Variants in SUMO3 observed in about 807,000 individuals in gnomAD.
SUMO3 encodes small ubiquitin like modifier 3, also known as small ubiquitin-related modifier 3.
Under a neutral mutation model 11.1 loss-of-function variants are expected in SUMO3, and 2 were observed. The ratio of observed to expected loss-of-function variants is 0.18; its 90% CI spans 0.07 to 0.57. The LOEUF is 0.57. Ranked by LOEUF, SUMO3 falls within the 20% of genes least tolerant of loss-of-function variation. The pLI is 0.92. For synonymous variants in SUMO3, 56 were observed against 53.5 expected (o/e 1.05, Z -0.20); for missense variants, 70 against 132.8 (o/e 0.53, Z 2.32).
chr21:44,817,059 G>A (rs370251385), intron 1 of SUMO3, among the ~76,000 whole-genome samples: 1 of 138,502 alleles, frequency 7.2e-6, no homozygotes, highest in Admixed American at 7.0e-5. Context: ...TGATGGAGAG[G>A]GCGACGCAAT....
At position 44,807,077 on chromosome 21, in the gene SUMO3, G is replaced by T; in HGVS notation, c.223-37C>A. The stretch of plus-strand genomic sequence containing the variant: ...GTCACAACAGGCACAGCGAGAGAGA[G>T]GGGAGCCTGTTAGTTTTCATCAGAG... On this transcript the variant is annotated intron_variant, in intron 3 of 3. Transcript: ENST00000332859. The surrounding 1 kb of genome is among the most constrained non-coding windows in gnomAD (Gnocchi z 4.3). 6.2e-7 allele frequency: 1 copy of T among 1,608,004 alleles called. No individual in the cohort carries two copies.
At position 44,806,872 on chromosome 21, in the gene SUMO3, C is replaced by A. The variant is rs1325946480; in HGVS notation, c.*79G>T. The A allele has an allele frequency of 9.5e-6, 15 of 1,585,452 alleles. No homozygotes were observed. Among genetic ancestry groups the A allele is most frequent in the Middle Eastern group, 1.7e-4 (1 of 5,990 alleles). Reference sequence around the variant, plus strand: ...GAATGTCCTCGAGTTTCCGCAGACACCTTTGTGGTCGGCATGGTCACGTGC... The same window carrying A: ...GAATGTCCTCGAGTTTCCGCAGACAACTTTGTGGTCGGCATGGTCACGTGC... On this transcript the variant is annotated 3_prime_UTR_variant, in exon 4 of 4. Coordinates refer to ENST00000332859, the MANE Select transcript of SUMO3 (RefSeq NM_006936.3).
At chr21:44,816,247 A>C (rs772734033) in intron 1 of SUMO3, among the ~76,000 whole-genome samples, 3 of 151,604 alleles carry the variant, frequency 2.0e-5, no homozygotes, top group Admixed American at 1.3e-4. Flanking sequence ...CTACAAAAAC[A>C]TAAAGGACAT....
intron 2 of SUMO3, 81 bp downstream of exon 2, chr21:44,813,895 C>G (rs747380882): frequency 1.3e-6 from 2 of 1,597,850 alleles, no homozygotes; most frequent in Admixed American, 1.7e-5. Flanking sequence ...AGCCCCGAGA[C>G]GCTCGTGCTC....
At chr21:44,812,277 CTGAACTCCTGACCTCAAGTCT>C (rs1361103670) in intron 2 of SUMO3, among the ~76,000 whole-genome samples, 1 of 151,806 alleles carries the variant, frequency 6.6e-6, no homozygotes, top group Non-Finnish European at 1.5e-5. Flanking sequence ...AGGCTTGGCA[CTGAACTCCTGACCTCAAGTCT>C]TGAATTCCTG....
At position 44,807,521 on chromosome 21, in the gene SUMO3, T is replaced by C. The variant is rs1200836403; in HGVS notation, c.223-481A>G. Among the ~76,000 whole-genome samples, 1 of 151,772 alleles carries C rather than the reference T, an allele frequency of 6.6e-6. No homozygotes were observed. Among genetic ancestry groups the C allele is most frequent in the South Asian group, 2.1e-4 (1 of 4,794 alleles). On this transcript the variant is annotated intron_variant, in intron 3 of 3. Coordinates refer to ENST00000332859, the MANE Select transcript of SUMO3 (RefSeq NM_006936.3). The surrounding 1 kb of genome is among the most constrained non-coding windows in gnomAD (Gnocchi z 4.3). ...GTCAAGTGAGGGTCCATTGCCAGCTTCTCCCCGCCCCTCCCCATTTAAAGC... is the reference window on the plus strand; with the variant it reads ...GTCAAGTGAGGGTCCATTGCCAGCTCCTCCCCGCCCCTCCCCATTTAAAGC...
At position 44,810,450 on chromosome 21, in the gene SUMO3, C is replaced by A. The variant is rs543899475; in HGVS notation, c.151-1332G>T. On this transcript the variant is annotated intron_variant, in intron 2 of 3. Coordinates refer to ENST00000332859, the MANE Select transcript of SUMO3 (RefSeq NM_006936.3). This position sits in a 1 kb window ranked among gnomAD's most constrained non-coding sequence, Gnocchi z 4.1. The stretch of plus-strand genomic sequence containing the variant: ...GCTGCCTGGAAGTTCACATGCAGAC[C>A]CCTCAGGCAGGACCCCCACAACCCT... 6.6e-6 allele frequency among the ~76,000 whole-genome samples: 1 copy of A among 152,190 alleles called. No individual in the cohort carries two copies. The highest frequency in any genetic ancestry group is 2.1e-4 in the South Asian group (1 of 4,826).
rs1318218541 is a variant in SUMO3 at position 44,811,725 on chromosome 21, C to T, written c.150+2251G>A. On this transcript the variant is annotated intron_variant, in intron 2 of 3. Transcript: ENST00000332859. This position sits in a 1 kb window ranked among gnomAD's most constrained non-coding sequence, Gnocchi z 5.0. Reference sequence around the variant, plus strand: ...GACCTCCCGGAAAGAAGCCCAAATGCAACAATAAAGCCCAAAGCAAAATGG... The same window carrying T: ...GACCTCCCGGAAAGAAGCCCAAATGTAACAATAAAGCCCAAAGCAAAATGG... 6.6e-6 allele frequency among the ~76,000 whole-genome samples: 1 copy of T among 152,010 alleles called. No homozygotes were observed. The highest frequency in any genetic ancestry group is 1.5e-5 in the Non-Finnish European group (1 of 68,012).
chr21:44,817,718 C>T (rs1292028635), intron 1 of SUMO3, among the ~76,000 whole-genome samples: 1 of 142,192 alleles, frequency 7.0e-6, no homozygotes, highest in South Asian at 2.3e-4. Context: ...GGGCGTGGAG[C>T]GGAGGCGTGG....
intron 1 of SUMO3, among the ~76,000 whole-genome samples, chr21:44,816,821 T>G (rs1601219819): frequency 1.4e-5 from 1 of 69,664 alleles, no homozygotes; most frequent in Non-Finnish European, 2.8e-5. Context: ...GCGCGCATGG[T>G]GGGGGAGGCG....
At position 44,810,501 on chromosome 21, in the gene SUMO3, G is replaced by A. The variant is rs1405168774; in HGVS notation, c.151-1383C>T. On this transcript the variant is annotated intron_variant, in intron 2 of 3. Coordinates refer to ENST00000332859, the MANE Select transcript of SUMO3 (RefSeq NM_006936.3). The surrounding 1 kb of genome is among the most constrained non-coding windows in gnomAD (Gnocchi z 4.1). ...GTGCCTCCCACGGCAGCACACATGAGATGTGCTTTCTGAGAAGGTGGGTGC... is the reference window on the plus strand; with the variant it reads ...GTGCCTCCCACGGCAGCACACATGAAATGTGCTTTCTGAGAAGGTGGGTGC... 6.6e-6 allele frequency among the ~76,000 whole-genome samples: 1 copy of A among 151,924 alleles called. No individual in the cohort carries two copies. The highest frequency in any genetic ancestry group is 1.5e-5 in the Non-Finnish European group (1 of 68,006).
rs1190887087 is a variant in SUMO3 at position 44,806,911 on chromosome 21, G to C, written c.*40C>G. Reference sequence around the variant, plus strand: ...ATGGTCACGTGCTCACCATTCAACAGCAATGCGAGGATGGACGGCCCGGGC... The same window carrying C: ...ATGGTCACGTGCTCACCATTCAACACCAATGCGAGGATGGACGGCCCGGGC... On this transcript the variant is annotated 3_prime_UTR_variant, in exon 4 of 4. Coordinates refer to ENST00000332859, the MANE Select transcript of SUMO3 (RefSeq NM_006936.3). 5.6e-6 allele frequency: 9 copies of C among 1,613,106 alleles called. No individual in the cohort carries two copies. The South Asian group carries it at 9.9e-5, about 18-fold the overall frequency.
chr21:44,816,635 G>C (rs9975777), intron 1 of SUMO3, among the ~76,000 whole-genome samples: 8,688 of 152,238 alleles, frequency 0.057, 700 homozygotes, highest in African/African-American at 0.18. Context: ...AAGGGCTTCG[G>C]AAAGGTTCTC....
At position 44,811,003 on chromosome 21, in the gene SUMO3, C is replaced by A. The variant is rs1326778225; in HGVS notation, c.151-1885G>T. Among the ~76,000 whole-genome samples the A allele has an allele frequency of 8.9e-6, 1 of 112,886 alleles. No individual in the cohort carries two copies. The highest frequency in any genetic ancestry group is 2.1e-5 in the Non-Finnish European group (1 of 48,734). The allele number at this position is 112,886 out of a possible 152,430, so 74.1% of individuals were successfully genotyped here. ...ACACCCATGCACACACCCACACATGCACACACCCACATATGCACACACGCA... is the reference window on the plus strand; with the variant it reads ...ACACCCATGCACACACCCACACATGAACACACCCACATATGCACACACGCA... On this transcript the variant is annotated intron_variant, in intron 2 of 3. Transcript: ENST00000332859. The surrounding 1 kb of genome is among the most constrained non-coding windows in gnomAD (Gnocchi z 5.0).
chr21:44,817,615 G>A (rs1449469508), intron 1 of SUMO3, among the ~76,000 whole-genome samples: 1 of 151,622 alleles, frequency 6.6e-6, no homozygotes, highest in Non-Finnish European at 1.5e-5. Context: ...CGGGATCCGA[G>A]GGCGCCGCGC....
At chr21:44,813,714 C>T (rs1317409096) in intron 2 of SUMO3, 58 of 1,137,612 alleles carry the variant, frequency 5.1e-5, no homozygotes, top group Non-Finnish European at 6.8e-5. Context: ...CACAGCACCC[C>T]GGGCAGCCGC....
In SUMO3 at chr21:44,806,295, G is replaced by A. The variant is rs1237922104; in HGVS notation, c.*656C>T. 6.6e-6 allele frequency: 1 copy of A among 152,192 alleles called. No homozygotes were observed. Among genetic ancestry groups the A allele is most frequent in the Non-Finnish European group, 1.5e-5 (1 of 68,104 alleles). 9.4% of individuals were successfully genotyped at this position (152,192 alleles called of 1,614,324 possible). On this transcript the variant is annotated 3_prime_UTR_variant, in exon 4 of 4. Transcript: ENST00000332859. Reference sequence around the variant, plus strand: ...AGGGGTGGCAGGGGGGTGGGTCCTGGGCCTCAGACCCCGAGGTTACATGCT... The same window carrying A: ...AGGGGTGGCAGGGGGGTGGGTCCTGAGCCTCAGACCCCGAGGTTACATGCT...
chr21:44,811,571 C>CA lies in SUMO3; in HGVS notation c.150+2404dup, dbSNP rs950249135. Among the ~76,000 whole-genome samples, 7 of 150,020 alleles carry CA rather than the reference C, an allele frequency of 4.7e-5. No homozygotes were observed. Among genetic ancestry groups the CA allele is most frequent in the South Asian group, 2.1e-4 (1 of 4,750 alleles). ...TGGGGGACAGAGTGAGACCCTGTCT[C>CA]AAAAAAAATAAGTTGCTACTGAGAA... On this transcript the variant is annotated intron_variant, in intron 2 of 3. Transcript: ENST00000332859. This position sits in a 1 kb window ranked among gnomAD's most constrained non-coding sequence, Gnocchi z 5.0.
intron 3 of SUMO3, chr21:44,808,443 G>A (rs1321197055): frequency 3.0e-6 from 4 of 1,341,494 alleles, no homozygotes; most frequent in Non-Finnish European, 4.0e-6. Context: ...AACTCAGGAG[G>A]CAGAGCTTGC....
Sources: allele counts gnomAD v4.1 joint callset (sites outside exome capture counted in the v4.1 genomes callset), GRCh38; gene constraint gnomAD v4.1.1; non-coding constraint Gnocchi (gnomAD v3.1); transcripts MANE v1.5; gene names NCBI Gene and HGNC (gene_info 2026-07-23, HGNC 2026-07-21).